Variants in BSDC1 observed in about 807,000 individuals in gnomAD.
BSDC1 encodes the protein BSD domain containing 1, also known as BSD domain-containing protein 1.
A neutral mutation model predicts 56.0 loss-of-function variants in BSDC1; 29 were observed. The ratio of observed to expected loss-of-function variants is 0.52; its 90% CI spans 0.39 to 0.71. BSDC1 has a LOEUF of 0.71. Ranked by LOEUF, BSDC1 falls within the 30% of genes least tolerant of loss-of-function variation. The pLI, the probability that BSDC1 is intolerant of heterozygous loss-of-function variation, is 0.00. For synonymous variants in BSDC1, 210 were observed against 215.3 expected (o/e 0.98, Z 0.21); for missense variants, 477 against 548.5 (o/e 0.87, Z 1.30).
chr1:32,376,430 G>C lies in BSDC1; in HGVS notation c.988C>G (p.Pro330Ala), dbSNP rs1226277567. The C allele has an allele frequency of 1.9e-6, 3 of 1,613,652 alleles. No homozygotes were observed. Among genetic ancestry groups the C allele is most frequent in the Non-Finnish European group, 2.5e-6 (3 of 1,179,592 alleles). Residue 330 changes from proline to alanine, a missense_variant, in exon 9 of 11, where the codon CCC becomes GCC. By Grantham distance (27) the Pro-to-Ala change is conservative. Coordinates refer to ENST00000455895, the MANE Select transcript of BSDC1 (RefSeq NM_018045.8). ...GTTAGGGGCTTGGAGTGAATAGGGG[G>C]TGAGGGTCCAGTCTCACCCACATCC... is the stretch of plus-strand genomic sequence containing the variant. Reference protein sequence around the residue: ...AVDVGETGPSPPIHSKPLTPA... With the variant: ...AVDVGETGPSAPIHSKPLTPA...
intron 4 of BSDC1, among the ~76,000 whole-genome samples, chr1:32,382,206 G>A (rs1570143063): frequency 1.4e-5 from 2 of 144,068 alleles, no homozygotes; most frequent in East Asian, 2.0e-4. Context: ...CAGTCTGGGC[G>A]ACAGAGAGAG....
intron 9 of BSDC1, among the ~76,000 whole-genome samples, chr1:32,375,037 A>G (rs1642226448): frequency 6.6e-6 from 1 of 152,140 alleles, no homozygotes; most frequent in Non-Finnish European, 1.5e-5. Context: ...CTGTAGTCCC[A>G]GCTACTCGGG....
chr1:32,368,356 C>T (rs1286676713), intron 10 of BSDC1, 91 bp downstream of exon 10: 3 of 1,614,010 alleles, frequency 1.9e-6, no homozygotes, highest in Non-Finnish European at 2.5e-6. Flanking sequence ...GAGCAGGGAC[C>T]CTCCTGAGGG....
intron 3 of BSDC1, among the ~76,000 whole-genome samples, chr1:32,385,769 A>G (rs745821181): frequency 1.2e-4 from 19 of 152,182 alleles, no homozygotes; most frequent in Non-Finnish European, 2.2e-4. Flanking sequence ...CCAGTAAGAA[A>G]ATAAGTTGGT....
chr1:32,382,435 G>A (rs963511559), intron 4 of BSDC1, among the ~76,000 whole-genome samples: 2 of 151,458 alleles, frequency 1.3e-5, no homozygotes, highest in African/African-American at 2.4e-5. Flanking sequence ...CTGCACTCCA[G>A]CCTGGGGGAC....
intron 3 of BSDC1, among the ~76,000 whole-genome samples, chr1:32,385,875 A>T (rs1258003462): frequency 6.6e-6 from 1 of 152,228 alleles, no homozygotes; most frequent in Non-Finnish European, 1.5e-5. Flanking sequence ...AGCAAATATT[A>T]TGGCACTGGG....
At position 32,378,001 on chromosome 1, in the gene BSDC1, G is replaced by A. The variant is rs1177725958; in HGVS notation, c.645C>T (p.Ile215=). The change falls in exon 8 of 11, where the codon ATC becomes ATT. Residue 215 remains isoleucine, a synonymous_variant. Transcript: ENST00000455895. The surrounding 1 kb of genome is among the most constrained non-coding windows in gnomAD (Gnocchi z 5.2). The part of the protein sequence containing the change: ...DALKQRAEQS[I]SEEPGWEEEE... ...CCTCCTCCCAGCCGGGCTCTTCAGA[G>A]ATGCTCTGTTCCGCCCGCTGCTTCA... The A allele has an allele frequency of 9.3e-6, 15 of 1,613,452 alleles. 1 individual carries two copies. The Admixed American group carries it at 2.3e-4, about 25-fold the overall frequency.
At chr1:32,377,921 C>T (rs1315642564) in intron 8 of BSDC1, 49 bp downstream of exon 8, 11 of 1,549,506 alleles carry the variant, frequency 7.1e-6, no homozygotes, top group East Asian at 4.5e-5. Context: ...CAGCCCAGAG[C>T]GTCCCGCACA....
At chr1:32,369,359 T>G (rs1233463263) in intron 9 of BSDC1, 1 of 1,238,276 alleles carries the variant, frequency 8.1e-7, no homozygotes, top group Non-Finnish European at 1.1e-6. Flanking sequence ...ATTTAAAAAT[T>G]AGCCAGGCAT....
In BSDC1 at chr1:32,386,770, G is replaced by A. The variant is rs1642685677; in HGVS notation, c.189+9C>T. On this transcript the variant is annotated intron_variant, in intron 3 of 10. Transcript: ENST00000455895. ...GGCAGTTACTTGGGAGGGTTTGGGT[G>A]GTACTCACAGCCAGCTTCTCCTTGA... is the stretch of plus-strand genomic sequence containing the variant. 4.3e-6 allele frequency: 7 copies of A among 1,610,714 alleles called. No homozygotes were observed. Among genetic ancestry groups the A allele is most frequent in the East Asian group, 2.2e-5 (1 of 44,832 alleles).
intron 5 of BSDC1, 60 bp downstream of exon 5, chr1:32,381,154 A>G (rs1163413837): frequency 1.9e-6 from 3 of 1,572,090 alleles, no homozygotes; most frequent in Non-Finnish European, 2.6e-6. Context: ...CAGGGTCTAC[A>G]ACCCAGCCCC....
intron 4 of BSDC1, among the ~76,000 whole-genome samples, chr1:32,381,935 G>A (rs1451671753): frequency 1.3e-5 from 2 of 152,192 alleles, no homozygotes; most frequent in Non-Finnish European, 2.9e-5. Context: ...TGGAACAAAA[G>A]TTCAATGTGG....
intron 4 of BSDC1, 109 bp downstream of exon 4, chr1:32,383,721 C>A: frequency 1.3e-6 from 1 of 800,002 alleles, no homozygotes; most frequent in Non-Finnish European, 2.0e-6. Context: ...ATAATATACC[C>A]ATATTTATTT....
chr1:32,381,447 T>A (rs1642475394), intron 4 of BSDC1, among the ~76,000 whole-genome samples, 179 bp from the exon 5 acceptor site: 1 of 152,176 alleles, frequency 6.6e-6, no homozygotes. Flanking sequence ...AGGCTAGGCA[T>A]CCAAAACTGG....
intron 2 of BSDC1, among the ~76,000 whole-genome samples, chr1:32,387,213 C>T (rs945958936): frequency 6.6e-6 from 1 of 152,058 alleles, no homozygotes; most frequent in African/African-American, 2.4e-5. Flanking sequence ...ATCAGAGATT[C>T]TCAAGAGCAA....
At chr1:32,394,217 A>G in intron 1 of BSDC1, 77 bp from the exon 2 acceptor site, 2 of 1,570,900 alleles carry the variant, frequency 1.3e-6, no homozygotes, top group African/African-American at 1.4e-5. Flanking sequence ...TTCCCCGCTC[A>G]GATGTACCCT....
intron 2 of BSDC1, among the ~76,000 whole-genome samples, chr1:32,391,858 T>C (rs945501067): frequency 6.6e-6 from 1 of 152,166 alleles, no homozygotes; most frequent in Admixed American, 6.5e-5. Flanking sequence ...TCTAAGAGGT[T>C]TTCCCATCAG....
At chr1:32,394,248 C>T (rs1184572007) in intron 1 of BSDC1, 108 bp from the exon 2 acceptor site, 2 of 1,555,628 alleles carry the variant, frequency 1.3e-6, no homozygotes, top group East Asian at 2.3e-5. Context: ...GCTTCGCAGA[C>T]CGCTTGCCCA....
In BSDC1 at chr1:32,380,746, C is replaced by T. The variant is rs972815083; in HGVS notation, c.412+468G>A. Among the ~76,000 whole-genome samples the T allele has an allele frequency of 2.0e-5, 3 of 152,226 alleles. No individual in the cohort carries two copies. In the South Asian group the frequency reaches 6.2e-4, roughly 32 times the overall value. ...GGTGCCATTCCTCTGGCTCCTGCTG[C>T]CCCGCTGCTCTGCAGAAGCAGTCAT... On this transcript the variant is annotated intron_variant, in intron 5 of 10. Coordinates refer to ENST00000455895, the MANE Select transcript of BSDC1 (RefSeq NM_018045.8).
Sources: gnomAD v4.1 joint callset for allele counts (sites outside exome capture counted in the v4.1 genomes callset) on GRCh38, gnomAD v4.1.1 for gene constraint, Gnocchi (gnomAD v3.1) non-coding constraint, MANE v1.5 for transcripts, NCBI Gene and HGNC (gene_info 2026-07-23, HGNC 2026-07-21) for gene names.